ATXN7L3B: variants seen among roughly 807,000 people sequenced by gnomAD.
The protein encoded by ATXN7L3B is ataxin-7-like protein 3B.
ATXN7L3B carries 4 observed loss-of-function variants against 6.3 expected under a neutral mutation model. The ratio of observed to expected loss-of-function variants is 0.63; its 90% CI spans 0.31 to 1.45. The LOEUF is 1.45. Ranked by LOEUF, ATXN7L3B falls within the 40% of genes most tolerant of loss-of-function variation. The pLI is 0.07. For synonymous variants in ATXN7L3B, 63 were observed against 48.0 expected (o/e 1.31, Z -1.29); for missense variants, 120 against 118.5 (o/e 1.01, Z -0.06).
Position 74,538,330 on chromosome 12 carries a change from C to A in ATXN7L3B, c.218C>A (p.Pro73Gln), listed in dbSNP as rs748325678. ...PVEDKGACRLPLCSLPGEPGN... is the reference protein window; with the variant it reads ...PVEDKGACRLQLCSLPGEPGN... ...GAAGACAAAGGAGCGTGCCGCCTCC[C>A]GCTTTGCTCCCTTCCCGGAGAACCT... The change falls in exon 1 of 1, where the codon CCG (proline) becomes CAG (glutamine). Residue 73 changes from proline (P) to glutamine (Q), a missense_variant. Transcript: ENST00000519948. 8 of 1,552,634 alleles carry A rather than the reference C, an allele frequency of 5.2e-6. No individual in the cohort carries two copies. The highest frequency in any genetic ancestry group is 1.4e-5 in the African/African-American group (1 of 73,174).
Position 74,544,119 on chromosome 12 carries a change from C to G in ATXN7L3B, c.*5713C>G, listed in dbSNP as rs893011936. The G allele has an allele frequency of 2.0e-5, 3 of 151,844 alleles. No individual in the cohort carries two copies. Among genetic ancestry groups the G allele is most frequent in the African/African-American group, 7.2e-5 (3 of 41,388 alleles). 9.4% of individuals were successfully genotyped at this position (151,844 alleles called of 1,614,324 possible). A position where few individuals can be genotyped will look rare whatever the true frequency, so the allele number is the denominator to read the frequency against. ...TGGATATAAGATCAATATCTAAAAT[C>G]AGAATACCAACATTTAAAAAGTGTT... On this transcript the variant is annotated 3_prime_UTR_variant, in exon 1 of 1. Transcript: ENST00000519948.
Position 74,540,946 on chromosome 12 carries a change from G to A in ATXN7L3B, c.*2540G>A, listed in dbSNP as rs1337949424. On this transcript the variant is annotated 3_prime_UTR_variant, in exon 1 of 1. Coordinates refer to ENST00000519948, the MANE Select transcript of ATXN7L3B (RefSeq NM_001136262.2). ...TCCTGCCCTGGATGGGTATAAGGTGGGCTTGGTCCAACAGGTGCCCAGAGG... is the reference window on the plus strand; with the variant it reads ...TCCTGCCCTGGATGGGTATAAGGTGAGCTTGGTCCAACAGGTGCCCAGAGG... 6.0e-6 allele frequency: 1 copy of A among 167,036 alleles called. No individual in the cohort carries two copies. The highest frequency in any genetic ancestry group is 2.4e-5 in the African/African-American group (1 of 41,406). 10.3% of individuals were successfully genotyped at this position (167,036 alleles called of 1,614,324 possible).
rs1868822322 is a variant in ATXN7L3B, at chr12:74,539,415, G to T, written c.*1009G>T. On this transcript the variant is annotated 3_prime_UTR_variant, in exon 1 of 1. Coordinates refer to ENST00000519948, the MANE Select transcript of ATXN7L3B (RefSeq NM_001136262.2). ...GAGCATCATGGCTGTGCAGGAGGCT[G>T]TGGTTTGAAAACTGAGCCCAGAGGG... 6.0e-6 allele frequency: 1 copy of T among 167,292 alleles called. No homozygotes were observed. Among genetic ancestry groups the T allele is most frequent in the Non-Finnish European group, 1.5e-5 (1 of 68,312 alleles). The allele number at this position is 167,292 out of a possible 1,614,324, so 10.4% of individuals were successfully genotyped here. A position where few individuals can be genotyped will look rare whatever the true frequency, so the allele number is the denominator to read the frequency against.
At position 74,543,360 on chromosome 12, in the gene ATXN7L3B, TAAAAAC is replaced by T. The variant is rs1261128174; in HGVS notation, c.*4959_*4964del. ...TGGAGTAATAAATCAAACGACTAAT[TAAAAAC>T]AAAACAATGAAAAATCCATGATGCT... is the stretch of plus-strand genomic sequence containing the variant. On this transcript the variant is annotated 3_prime_UTR_variant, in exon 1 of 1. Coordinates refer to ENST00000519948, the MANE Select transcript of ATXN7L3B (RefSeq NM_001136262.2). The T allele has an allele frequency of 2.0e-5, 3 of 151,938 alleles. No homozygotes were observed. Among genetic ancestry groups the T allele is most frequent in the Non-Finnish European group, 2.9e-5 (2 of 67,938 alleles). The allele number at this position is 151,938 out of a possible 1,614,324, so 9.4% of individuals were successfully genotyped here. A position where few individuals can be genotyped will look rare whatever the true frequency, so the allele number is the denominator to read the frequency against.
In ATXN7L3B at chr12:74,538,014, C is replaced by G. The variant is rs899143264; in HGVS notation, c.-99C>G. The G allele has an allele frequency of 8.6e-7, 1 of 1,163,898 alleles. No individual in the cohort carries two copies. The highest frequency in any genetic ancestry group is 1.5e-5 in the African/African-American group (1 of 64,560). 72.1% of individuals were successfully genotyped at this position (1,163,898 alleles called of 1,614,324 possible). On this transcript the variant is annotated 5_prime_UTR_variant, in exon 1 of 1. Coordinates refer to ENST00000519948, the MANE Select transcript of ATXN7L3B (RefSeq NM_001136262.2). ...CCGACCCCGCCGCCGGAGGACTGGG[C>G]ACTGAAAGGCCTCTAGGCCTAGGCG...
chr12:74,544,234 T>C lies in ATXN7L3B; in HGVS notation c.*5828T>C, dbSNP rs1358450416. The C allele has an allele frequency of 6.6e-6, 1 of 152,012 alleles. No homozygotes were observed. Among genetic ancestry groups the C allele is most frequent in the East Asian group, 1.9e-4 (1 of 5,202 alleles). 9.4% of individuals were successfully genotyped at this position (152,012 alleles called of 1,614,324 possible). On this transcript the variant is annotated 3_prime_UTR_variant, in exon 1 of 1. Transcript: ENST00000519948. ...GTAAGATTTTATAAAGAAAATAATATTTTCTAATATGTTGGGAAAATCCCA... is the reference window on the plus strand; with the variant it reads ...GTAAGATTTTATAAAGAAAATAATACTTTCTAATATGTTGGGAAAATCCCA...
At position 74,541,153 on chromosome 12, in the gene ATXN7L3B, T is replaced by A. The variant is rs1868885983; in HGVS notation, c.*2747T>A. The A allele has an allele frequency of 6.3e-6, 1 of 158,772 alleles. No individual in the cohort carries two copies. The highest frequency in any genetic ancestry group is 1.5e-5 in the Non-Finnish European group (1 of 66,722). 9.8% of individuals were successfully genotyped at this position (158,772 alleles called of 1,614,324 possible). ...GAGTGTGTGTGTGTGTGTATGTGTG[T>A]GTTATGGGGGAAGGGGGGGGTTCTT... On this transcript the variant is annotated 3_prime_UTR_variant, in exon 1 of 1. Coordinates refer to ENST00000519948, the MANE Select transcript of ATXN7L3B (RefSeq NM_001136262.2).
In ATXN7L3B at chr12:74,540,168, G is replaced by A. The variant is rs181521697; in HGVS notation, c.*1762G>A. ...CTCTGTTGAGATTGGAATTGGAAGA[G>A]AACTTAATTTTTTGTATTTAAAATG... On this transcript the variant is annotated 3_prime_UTR_variant, in exon 1 of 1. Coordinates refer to ENST00000519948, the MANE Select transcript of ATXN7L3B (RefSeq NM_001136262.2). 6.0e-6 allele frequency: 1 copy of A among 166,556 alleles called. No homozygotes were observed. Among genetic ancestry groups the A allele is most frequent in the Non-Finnish European group, 1.5e-5 (1 of 68,076 alleles). The allele number at this position is 166,556 out of a possible 1,614,324, so 10.3% of individuals were successfully genotyped here. A position where few individuals can be genotyped will look rare whatever the true frequency, so the allele number is the denominator to read the frequency against.
chr12:74,540,672 A>G lies in ATXN7L3B; in HGVS notation c.*2266A>G, dbSNP rs1425434977. The G allele has an allele frequency of 6.0e-6, 1 of 167,064 alleles. No homozygotes were observed. The highest frequency in any genetic ancestry group is 6.5e-5 in the Admixed American group (1 of 15,294). 10.3% of individuals were successfully genotyped at this position (167,064 alleles called of 1,614,324 possible). On this transcript the variant is annotated 3_prime_UTR_variant, in exon 1 of 1. Coordinates refer to ENST00000519948, the MANE Select transcript of ATXN7L3B (RefSeq NM_001136262.2). ...CGACATCTAAGAGGATGAAGAAAGG[A>G]GAGTCTAAGTGAGACTCTGGCCTAC...
rs2136586122 is a variant in ATXN7L3B at position 74,537,901 on chromosome 12, C to G, written c.-212C>G. 3.4e-6 allele frequency: 2 copies of G among 579,776 alleles called. No individual in the cohort carries two copies. The highest frequency in any genetic ancestry group is 6.1e-6 in the Non-Finnish European group (2 of 327,906). The allele number at this position is 579,776 out of a possible 1,614,324, so 35.9% of individuals were successfully genotyped here. A position where few individuals can be genotyped will look rare whatever the true frequency, so the allele number is the denominator to read the frequency against. ...CTGGGCCAGGCGCAGCTGAAAGGCCCGCAACCCGGGAAACGTCAAAACAAA... is the reference window on the plus strand; with the variant it reads ...CTGGGCCAGGCGCAGCTGAAAGGCCGGCAACCCGGGAAACGTCAAAACAAA... On this transcript the variant is annotated 5_prime_UTR_variant, in exon 1 of 1. Transcript: ENST00000519948.
Position 74,541,767 on chromosome 12 carries a change from A to ATG in ATXN7L3B, c.*3362_*3363insGT, listed in dbSNP as rs1868905316. The ATG allele has an allele frequency of 6.6e-6, 1 of 152,166 alleles. No individual in the cohort carries two copies. The highest frequency in any genetic ancestry group is 1.5e-5 in the Non-Finnish European group (1 of 68,036). 9.4% of individuals were successfully genotyped at this position (152,166 alleles called of 1,614,324 possible). A position where few individuals can be genotyped will look rare whatever the true frequency, so the allele number is the denominator to read the frequency against. On this transcript the variant is annotated 3_prime_UTR_variant, in exon 1 of 1. Coordinates refer to ENST00000519948, the MANE Select transcript of ATXN7L3B (RefSeq NM_001136262.2). ...GATAGTTCCATTTGAATTGAACTCAATATATCTTAGTAAGTACATTTTACC... is the reference window on the plus strand; with the variant it reads ...GATAGTTCCATTTGAATTGAACTCAATGTATATCTTAGTAAGTACATTTTACC...
Position 74,544,844 on chromosome 12 carries a change from G to C in ATXN7L3B, c.*6438G>C, listed in dbSNP as rs1309026867. Reference sequence around the variant, plus strand: ...AACAAACCAATAACCTGATGTGCTAGTTGTTTAGTTCTTATAACTGATTAA... The same window carrying C: ...AACAAACCAATAACCTGATGTGCTACTTGTTTAGTTCTTATAACTGATTAA... On this transcript the variant is annotated 3_prime_UTR_variant, in exon 1 of 1. Transcript: ENST00000519948. The C allele has an allele frequency of 1.3e-5, 2 of 151,956 alleles. No individual in the cohort carries two copies. Among genetic ancestry groups the C allele is most frequent in the Non-Finnish European group, 2.9e-5 (2 of 67,858 alleles). 9.4% of individuals were successfully genotyped at this position (151,956 alleles called of 1,614,324 possible).
In ATXN7L3B at chr12:74,544,584, G is replaced by A. The variant is rs1049172157; in HGVS notation, c.*6178G>A. 1 of 151,946 alleles carries A rather than the reference G, an allele frequency of 6.6e-6. No individual in the cohort carries two copies. Among genetic ancestry groups the A allele is most frequent in the Non-Finnish European group, 1.5e-5 (1 of 67,838 alleles). 9.4% of individuals were successfully genotyped at this position (151,946 alleles called of 1,614,324 possible). ...GAATATAAACCAGTATTGTGGAACA[G>A]ATTATCCATAAATAATAAAACTGTG... On this transcript the variant is annotated 3_prime_UTR_variant, in exon 1 of 1. Coordinates refer to ENST00000519948, the MANE Select transcript of ATXN7L3B (RefSeq NM_001136262.2).
chr12:74,544,920 AC>A lies in ATXN7L3B; in HGVS notation c.*6515del, dbSNP rs1458025153. On this transcript the variant is annotated 3_prime_UTR_variant, in exon 1 of 1. Transcript: ENST00000519948. ...ATTGCCAAATGTATAAAGTAAAAGA[AC>A]AGCTCATTCTTACAAAAAGAAATAT... is the stretch of plus-strand genomic sequence containing the variant. The A allele has an allele frequency of 9.2e-5, 14 of 152,088 alleles. No individual in the cohort carries two copies. Among genetic ancestry groups the A allele is most frequent in the Non-Finnish European group, 1.8e-4 (12 of 67,912 alleles). 9.4% of individuals were successfully genotyped at this position (152,088 alleles called of 1,614,324 possible). A position where few individuals can be genotyped will look rare whatever the true frequency, so the allele number is the denominator to read the frequency against.
In ATXN7L3B at chr12:74,541,022, T is replaced by A. The variant is rs1868880806; in HGVS notation, c.*2616T>A. The A allele has an allele frequency of 6.0e-6, 1 of 166,788 alleles. No individual in the cohort carries two copies. Among genetic ancestry groups the A allele is most frequent in the Non-Finnish European group, 1.5e-5 (1 of 68,096 alleles). 10.3% of individuals were successfully genotyped at this position (166,788 alleles called of 1,614,324 possible). A position where few individuals can be genotyped will look rare whatever the true frequency, so the allele number is the denominator to read the frequency against. On this transcript the variant is annotated 3_prime_UTR_variant, in exon 1 of 1. Transcript: ENST00000519948. ...ATGCTCCCTACCATATAGTTGACAG[T>A]GGTTAGGAACTCTCCCTTTCCCTAC...
rs1314500101 is a variant in ATXN7L3B, at chr12:74,538,096, C to G, written c.-17C>G. ...GAGTAAAACGAGCGCCCTCTCCGCA[C>G]TCGTTTACAAATTAAAATGGAGGAA... On this transcript the variant is annotated 5_prime_UTR_variant, in exon 1 of 1. Coordinates refer to ENST00000519948, the MANE Select transcript of ATXN7L3B (RefSeq NM_001136262.2). The G allele has an allele frequency of 1.9e-6, 3 of 1,550,062 alleles. No homozygotes were observed. Among genetic ancestry groups the G allele is most frequent in the South Asian group, 1.2e-5 (1 of 84,044 alleles).
rs1868856738 is a variant in ATXN7L3B at position 74,540,308 on chromosome 12, G to A, written c.*1902G>A. The A allele has an allele frequency of 6.0e-6, 1 of 166,994 alleles. No individual in the cohort carries two copies. Among genetic ancestry groups the A allele is most frequent in the Non-Finnish European group, 1.5e-5 (1 of 68,152 alleles). 10.3% of individuals were successfully genotyped at this position (166,994 alleles called of 1,614,324 possible). ...TTCCCACCTCCATTTCAATACTGCC[G>A]GTTAGGACCTAAGTAGAAGAGCAGT... On this transcript the variant is annotated 3_prime_UTR_variant, in exon 1 of 1. Transcript: ENST00000519948.
At position 74,543,362 on chromosome 12, in the gene ATXN7L3B, A is replaced by C. The variant is rs1176193779; in HGVS notation, c.*4956A>C. ...GAGTAATAAATCAAACGACTAATTA[A>C]AAACAAAACAATGAAAAATCCATGA... On this transcript the variant is annotated 3_prime_UTR_variant, in exon 1 of 1. Coordinates refer to ENST00000519948, the MANE Select transcript of ATXN7L3B (RefSeq NM_001136262.2). The C allele has an allele frequency of 6.6e-6, 1 of 152,128 alleles. No homozygotes were observed. The highest frequency in any genetic ancestry group is 1.5e-5 in the Non-Finnish European group (1 of 67,964). The allele number at this position is 152,128 out of a possible 1,614,324, so 9.4% of individuals were successfully genotyped here.
rs1465198450 is a variant in ATXN7L3B, at chr12:74,537,994, C to T, written c.-119C>T. ...TCCTGCAGTTGCGGACGCCACCGAC[C>T]CCGCCGCCGGAGGACTGGGCACTGA... On this transcript the variant is annotated 5_prime_UTR_variant, in exon 1 of 1. Coordinates refer to ENST00000519948, the MANE Select transcript of ATXN7L3B (RefSeq NM_001136262.2). The T allele has an allele frequency of 8.5e-6, 8 of 941,892 alleles. No homozygotes were observed. The highest frequency in any genetic ancestry group is 3.5e-5 in the South Asian group (2 of 57,572). The allele number at this position is 941,892 out of a possible 1,614,324, so 58.3% of individuals were successfully genotyped here.
Sources: allele counts gnomAD v4.1 joint callset, GRCh38; gene constraint gnomAD v4.1.1; transcripts MANE v1.5; gene names NCBI Gene and HGNC (gene_info 2026-07-23, HGNC 2026-07-21).